ZFHX3: variants seen among roughly 807,000 people sequenced by gnomAD.
ZFHX3 encodes zinc finger homeobox protein 3.
ZFHX3 carries 42 observed loss-of-function variants against 279.1 expected under a neutral mutation model. The ratio of observed to expected loss-of-function variants is 0.15; its 90% confidence interval spans 0.12 to 0.19. The LOEUF (loss-of-function observed/expected upper bound fraction) is 0.19. ZFHX3 is among the 10% of genes least tolerant of loss of function. ZFHX3 has a pLI of 1.00. For missense variants in ZFHX3, 4,981 were observed against 4,754.0 expected (o/e 1.05, Z -1.40); for synonymous variants, 2,293 against 1,957.8 (o/e 1.17, Z -4.52).
At chr16:73,043,660 A>G (rs28407789) in intron 1 of ZFHX3, among the ~76,000 whole-genome samples, 1,550 of 152,346 alleles carry the variant, frequency 0.01, 27 homozygotes, top group African/African-American at 0.035. Context: ...AATGAAAACC[A>G]GAAACATTCC....
At chr16:72,821,873 T>C (rs2036800863) in intron 5 of ZFHX3, 1 of 152,220 alleles carries the variant, frequency 6.6e-6, no homozygotes, top group Admixed American at 6.5e-5. Flanking sequence ...TGGGAAATAA[T>C]ACTGCTGGGG....
chr16:72,914,606 A>G (rs2039395831), intron 3 of ZFHX3, among the ~76,000 whole-genome samples: 1 of 152,214 alleles, frequency 6.6e-6, no homozygotes, highest in Non-Finnish European at 1.5e-5. Context: ...TTCTGACATT[A>G]AAAAAGAAAC....
intron 1 of ZFHX3, among the ~76,000 whole-genome samples, chr16:73,822,543 G>T (rs1184971767): frequency 2.0e-5 from 3 of 151,588 alleles, no homozygotes; most frequent in Non-Finnish European, 4.4e-5. Flanking sequence ...TAAACCTAAA[G>T]AACACTATAA....
intron 2 of ZFHX3, among the ~76,000 whole-genome samples, chr16:73,536,816 C>A (rs2019910218): frequency 1.3e-5 from 2 of 152,040 alleles, no homozygotes; most frequent in South Asian, 4.1e-4. Context: ...ACAGGAGGAA[C>A]TAATCTGCTG....
chr16:72,838,406 A>C (rs1849450467), intron 4 of ZFHX3, among the ~76,000 whole-genome samples: 1 of 152,170 alleles, frequency 6.6e-6, no homozygotes, highest in Admixed American at 6.5e-5. Flanking sequence ...ACAAGAATGC[A>C]AGCCTGGGGG....
At chr16:73,541,171 GAT>G (rs1407962645) in intron 2 of ZFHX3, among the ~76,000 whole-genome samples, 4 of 152,118 alleles carry the variant, frequency 2.6e-5, no homozygotes, top group African/African-American at 4.8e-5. Context: ...TGTGAGATTT[GAT>G]GTGTCCTTCC....
At chr16:73,062,551 G>C (rs1055551570), upstream of ZFHX3, among the ~76,000 whole-genome samples, 1 of 152,212 alleles carries the variant, frequency 6.6e-6, no homozygotes, top group Non-Finnish European at 1.5e-5. Flanking sequence ...GCAATTATCA[G>C]AATATGGGGT....
intron 3 of ZFHX3, among the ~76,000 whole-genome samples, chr16:73,359,978 T>C (rs974312635): frequency 6.6e-6 from 1 of 152,126 alleles, no homozygotes; most frequent in Admixed American, 6.5e-5. Context: ...CCTACCTTGT[T>C]TGAGGTGCTG....
intron 7 of ZFHX3, chr16:72,806,028 T>G (rs1473326369): frequency 6.6e-6 from 1 of 152,374 alleles, no homozygotes; most frequent in East Asian, 1.9e-4. Context: ...TAGCTAGGAC[T>G]ACAGGTACAC....
chr16:73,846,395 C>T (rs1961448988), intron 1 of ZFHX3, among the ~76,000 whole-genome samples: 1 of 152,162 alleles, frequency 6.6e-6, no homozygotes, highest in Non-Finnish European at 1.5e-5. Flanking sequence ...TTCTAGGTGA[C>T]TGACAAATCA....
At chr16:72,804,943 C>T (rs2036216044) in intron 7 of ZFHX3, among the ~76,000 whole-genome samples, 1 of 152,054 alleles carries the variant, frequency 6.6e-6, no homozygotes, top group South Asian at 2.1e-4. Flanking sequence ...CAGACACATT[C>T]TGTGTGCTGG....
At chr16:73,019,418 T>A (rs1475365820) in intron 1 of ZFHX3, among the ~76,000 whole-genome samples, 1 of 152,158 alleles carries the variant, frequency 6.6e-6, no homozygotes, top group East Asian at 1.9e-4. Flanking sequence ...ATGGGCTGCC[T>A]GGTTTACAGG....
intron 5 of ZFHX3, among the ~76,000 whole-genome samples, chr16:73,191,973 T>C (rs1372039442): frequency 6.6e-6 from 1 of 152,218 alleles, no homozygotes; most frequent in East Asian, 1.9e-4. Context: ...TGCAGCACCC[T>C]GGGCCTCCCC....
intron 1 of ZFHX3, among the ~76,000 whole-genome samples, chr16:73,778,686 A>G (rs1406057866): frequency 1.3e-5 from 2 of 152,226 alleles, no homozygotes; most frequent in African/African-American, 2.4e-5. Flanking sequence ...TAAAGGATTT[A>G]GAAAGGTCTG....
chr16:73,448,549 G>A (rs2018226874), intron 3 of ZFHX3, among the ~76,000 whole-genome samples: 1 of 151,694 alleles, frequency 6.6e-6, no homozygotes, highest in Non-Finnish European at 1.5e-5. Context: ...TGAACGAAAA[G>A]GAAAAGATAA....
intron 2 of ZFHX3, among the ~76,000 whole-genome samples, chr16:73,474,097 G>C (rs1368416139): frequency 6.6e-6 from 1 of 151,956 alleles, no homozygotes; most frequent in East Asian, 1.9e-4. Flanking sequence ...CCACACCAAA[G>C]GAAATTCTTT....
chr16:73,527,297 G>T (rs2019712700), intron 2 of ZFHX3, among the ~76,000 whole-genome samples: 1 of 152,164 alleles, frequency 6.6e-6, no homozygotes, highest in African/African-American at 2.4e-5. Context: ...CCCAGCAAGA[G>T]GCCCCATTTA....
At chr16:73,148,973 T>A (rs1365616127) in intron 5 of ZFHX3, among the ~76,000 whole-genome samples, 1 of 151,282 alleles carries the variant, frequency 6.6e-6, no homozygotes, top group African/African-American at 2.4e-5. Context: ...ATGATTGTAT[T>A]TGCTTCACAA....
intron 1 of ZFHX3, among the ~76,000 whole-genome samples, chr16:73,764,708 G>T (rs2053909672): frequency 6.6e-6 from 1 of 152,092 alleles, no homozygotes; most frequent in Non-Finnish European, 1.5e-5. Context: ...AGAAAGAACA[G>T]GTGGGAAATT....
Sources: gnomAD v4.1 joint callset for allele counts (sites outside exome capture counted in the v4.1 genomes callset) on GRCh38, gnomAD v4.1.1 for gene constraint, MANE v1.5 for transcripts, NCBI Gene and HGNC (gene_info 2026-07-23, HGNC 2026-07-21) for gene names.